The following DNAAF11 variants were observed in gnomAD, a reference collection of about 807,000 sequenced individuals.
DNAAF11 encodes the protein dynein axonemal assembly factor 11.
DNAAF11 carries 45 observed loss-of-function variants against 60.8 expected under a neutral mutation model. The observed-to-expected ratio is 0.74, with a 90% confidence interval of 0.58 to 0.95. The LOEUF is 0.95. Among genes scored for constraint, DNAAF11 ranks in the 40% least tolerant of loss-of-function variants. The probability of loss-of-function intolerance (pLI) is 0.00; values close to 1 mark genes in which losing one functional copy is unlikely to be tolerated. For synonymous variants in DNAAF11, 191 were observed against 183.5 expected, an observed-to-expected ratio of 1.04 and a Z score of -0.33; for missense variants, 546 against 546.2, an observed-to-expected ratio of 1.00 and a Z score of 0.00.
chr8:132,586,100 G>A (rs1357911155), intron 10 of DNAAF11, among the ~76,000 whole-genome samples: 3 of 152,100 alleles, frequency 2.0e-5, no homozygotes, highest in Admixed American at 2.0e-4. Context: ...GTTTTATGGA[G>A]ACTAAAAAGA....
intron 3 of DNAAF11, among the ~76,000 whole-genome samples, chr8:132,641,517 G>A (rs1195297506): frequency 3.3e-5 from 5 of 151,954 alleles, no homozygotes; most frequent in Non-Finnish European, 7.4e-5. Flanking sequence ...ACTTGTAGAA[G>A]AAATGAAGAG....
At position 132,625,401 on chromosome 8, in the gene DNAAF11, T is replaced by C. The variant is rs1820155543; in HGVS notation, c.707A>G (p.Asn236Ser). ...TTCACTGTTGTCTAATTTCTTTGTG[T>C]TGTGTTCCTCTGTGTCTGGTGCCTG... ...HLQAPDTEEH[N>S]TKKLDNSEDD... Residue 236 changes from asparagine (N) to serine (S), a missense_variant, in exon 6 of 12, where the codon AAC becomes AGC. Asn to Ser is a conservative substitution (Grantham distance 46, BLOSUM62 1). Transcript: ENST00000620350. 6.2e-7 allele frequency: 1 copy of C among 1,613,680 alleles called. No homozygotes were observed. Among genetic ancestry groups the C allele is most frequent in the Non-Finnish European group, 8.5e-7 (1 of 1,179,740 alleles).
the DNAAF11 span, among the ~76,000 whole-genome samples, chr8:132,695,121 G>A: frequency 6.6e-6 from 1 of 152,080 alleles, no homozygotes; most frequent in African/African-American, 2.4e-5. Flanking sequence ...TTGCATGGAC[G>A]GTAGGAGTCA....
the DNAAF11 span, among the ~76,000 whole-genome samples, chr8:132,681,485 A>G: frequency 2.0e-5 from 3 of 152,126 alleles, no homozygotes; most frequent in African/African-American, 7.2e-5. Context: ...TGTGACAGAG[A>G]AGACTGGAGG....
intron 3 of DNAAF11, among the ~76,000 whole-genome samples, chr8:132,654,897 AAAT>A (rs1563692836): frequency 6.6e-6 from 1 of 152,022 alleles, no homozygotes; most frequent in African/African-American, 2.4e-5. Context: ...AAAGAGAAAG[AAAT>A]AATAAGGATT....
intron 3 of DNAAF11, among the ~76,000 whole-genome samples, chr8:132,647,291 T>G (rs1233847415): frequency 2.0e-5 from 3 of 151,630 alleles, no homozygotes; most frequent in Non-Finnish European, 2.9e-5. Context: ...GAGAAACCAA[T>G]GAGAACCAAT....
At chr8:132,688,526 A>G in the DNAAF11 span, among the ~76,000 whole-genome samples, 2 of 152,200 alleles carry the variant, frequency 1.3e-5, no homozygotes, top group Non-Finnish European at 1.5e-5. Flanking sequence ...GGGTGAACAC[A>G]TGACCCAAGC....
chr8:132,610,581 T>C (rs1818564365), intron 9 of DNAAF11, among the ~76,000 whole-genome samples: 1 of 152,198 alleles, frequency 6.6e-6, no homozygotes, highest in African/African-American at 2.4e-5. Flanking sequence ...CAAGCCCATA[T>C]TAGCCCAAAT....
intron 1 of DNAAF11, among the ~76,000 whole-genome samples, chr8:132,674,242 C>A (rs1258750501): frequency 6.7e-6 from 1 of 150,278 alleles, no homozygotes; most frequent in Non-Finnish European, 1.5e-5. Context: ...AAGAAAAAAA[C>A]CAACTAGGGT....
chr8:132,572,200 T>G lies in DNAAF11; in HGVS notation c.*106A>C, dbSNP rs1186091533. 2.2e-6 allele frequency: 2 copies of G among 893,594 alleles called. No individual in the cohort carries two copies. Among genetic ancestry groups the G allele is most frequent in the Non-Finnish European group, 3.4e-6 (2 of 590,912 alleles). The allele number at this position is 893,594 out of a possible 1,614,324, so 55.4% of individuals were successfully genotyped here. On this transcript the variant is annotated 3_prime_UTR_variant, in exon 12 of 12. Transcript: ENST00000620350. ...AGTTAAAACACTGGAGCAGCGATAT[T>G]GACAAATAACTCTGTGTTTATCCCA...
intron 3 of DNAAF11, among the ~76,000 whole-genome samples, chr8:132,645,463 C>T (rs1044087951): frequency 2.2e-4 from 34 of 152,216 alleles, no homozygotes; most frequent in Admixed American, 5.2e-4. Flanking sequence ...TCGCCAGCAA[C>T]GGAACAAAGC....
intron 3 of DNAAF11, among the ~76,000 whole-genome samples, chr8:132,649,632 A>G (rs1250188675): frequency 6.6e-6 from 1 of 152,252 alleles, no homozygotes; most frequent in East Asian, 1.9e-4. Context: ...ACAAAGGGAT[A>G]ATATCCAGAA....
At chr8:132,691,829 ACAAGCCTAAC>A in the DNAAF11 span, among the ~76,000 whole-genome samples, 1 of 152,180 alleles carries the variant, frequency 6.6e-6, no homozygotes, top group Non-Finnish European at 1.5e-5. Context: ...GGGTGGGGAC[ACAAGCCTAAC>A]CAGAGGAAGG....
At chr8:132,671,279 A>C (rs1471118500) in intron 1 of DNAAF11, among the ~76,000 whole-genome samples, 1 of 152,216 alleles carries the variant, frequency 6.6e-6, no homozygotes, top group Non-Finnish European at 1.5e-5. Context: ...TATACTCAAC[A>C]CTTACAATGG....
At chr8:132,577,648 G>A (rs1814886602) in intron 11 of DNAAF11, among the ~76,000 whole-genome samples, 1 of 152,138 alleles carries the variant, frequency 6.6e-6, no homozygotes, top group Admixed American at 6.5e-5. Context: ...CACTGACATT[G>A]ACATGGCACT....
intron 10 of DNAAF11, chr8:132,608,485 A>G (rs377251412): frequency 1.2e-4 from 56 of 451,936 alleles, no homozygotes; most frequent in African/African-American, 9.4e-4. Context: ...AAAGGGGAAA[A>G]GAATGCTGCA....
At chr8:132,658,872 G>A (rs939338444) in intron 2 of DNAAF11, among the ~76,000 whole-genome samples, 26 of 151,896 alleles carry the variant, frequency 1.7e-4, no homozygotes, top group African/African-American at 5.1e-4. Flanking sequence ...TGGACACAGC[G>A]GGTTAAAAAA....
Position 132,581,661 on chromosome 8 carries a change from CAAAA to C in DNAAF11, c.1226+2029_1226+2032del, listed in dbSNP as rs59380140. Among the ~76,000 whole-genome samples the C allele has an allele frequency of 5.2e-3, 428 of 82,994 alleles. 5 individuals carry two copies. The highest frequency in any genetic ancestry group is 0.019 in the African/African-American group (408 of 21,386). The allele number at this position is 82,994 out of a possible 152,430, so 54.4% of individuals were successfully genotyped here. A position where few individuals can be genotyped will look rare whatever the true frequency, so the allele number is the denominator to read the frequency against. ...ACTTGACAAGAGCGAGACTCTGCCT[CAAAA>C]AAAAAAAAAAAAAAAAAAGAAGAAG... On this transcript the variant is annotated intron_variant, in intron 11 of 11. Coordinates refer to ENST00000620350, the MANE Select transcript of DNAAF11 (RefSeq NM_012472.6).
At chr8:132,608,800 T>C (rs1818360778) in intron 10 of DNAAF11, among the ~76,000 whole-genome samples, 1 of 152,216 alleles carries the variant, frequency 6.6e-6, no homozygotes, top group African/African-American at 2.4e-5. Context: ...TCAAGAACAA[T>C]ACAATTCTTA....
Sources: allele counts gnomAD v4.1 joint callset (sites outside exome capture counted in the v4.1 genomes callset), GRCh38; gene constraint gnomAD v4.1.1; transcripts MANE v1.5; gene names NCBI Gene and HGNC (gene_info 2026-07-23, HGNC 2026-07-21).